Variants in OR2A5 observed in about 807,000 individuals in gnomAD.
OR2A5 encodes the protein olfactory receptor family 2 subfamily A member 5.
Under a neutral mutation model 1.9 loss-of-function variants are expected in OR2A5, and 2 were observed. That is an observed-to-expected ratio of 1.04 (90% CI 0.43 to 3.28). OR2A5 has a LOEUF of 3.28. Among genes scored for constraint, OR2A5 ranks in the 30% most tolerant of loss-of-function variants. OR2A5 has a pLI of 0.08. For missense variants in OR2A5, 391 were observed against 375.9 expected (o/e 1.04, Z -0.33); for synonymous variants, 160 against 154.5 (o/e 1.04, Z -0.26).
rs1563026611 is a variant in OR2A5 at position 144,050,704 on chromosome 7, C to T, written c.303C>T (p.Thr101=). 6.2e-7 allele frequency: 1 copy of T among 1,614,122 alleles called. No individual in the cohort carries two copies. The highest frequency in any genetic ancestry group is 1.1e-5 in the South Asian group (1 of 91,086). Residue 101 remains threonine (T), a synonymous_variant, in exon 2 of 2, where the codon ACC becomes ACT. Coordinates refer to ENST00000641693, the MANE Select transcript of OR2A5 (RefSeq NM_012365.2). The part of the protein sequence containing the change: ...TISFVPCTMQ[T]FLYMAFAHTE... ...CCTTTGTCCCATGCACAATGCAGAC[C>T]TTTTTATACATGGCTTTTGCTCACA...
chr7:144,051,520 GA>G lies in OR2A5; in HGVS notation c.*184del. On this transcript the variant is annotated 3_prime_UTR_variant, in exon 2 of 2. Transcript: ENST00000641693. ...CACAAAGCACATGCAGACAGGCGCT[GA>G]GCCGTGTGGTGCAGCAGAGGTGCAA... 3 of 605,914 alleles carry G rather than the reference GA, an allele frequency of 5.0e-6. No homozygotes were observed. The South Asian group carries it at 6.4e-5, about 13-fold the overall frequency. The allele number at this position is 605,914 out of a possible 1,614,324, so 37.5% of individuals were successfully genotyped here. A position where few individuals can be genotyped will look rare whatever the true frequency, so the allele number is the denominator to read the frequency against.
Position 144,050,863 on chromosome 7 carries a change from T to A in OR2A5, c.462T>A (p.Leu154=). The part of the protein sequence containing the change: ...LAVTSWACGS[L]LALVHVVLIL... ...TCACTTCTTGGGCATGTGGTTCCCT[T>A]CTGGCCCTGGTCCATGTGGTTCTCA... Residue 154 remains leucine, a synonymous_variant, in exon 2 of 2, where the codon CTT becomes CTA. Coordinates refer to ENST00000641693, the MANE Select transcript of OR2A5 (RefSeq NM_012365.2). 1.9e-6 allele frequency: 3 copies of A among 1,614,174 alleles called. No individual in the cohort carries two copies. Among genetic ancestry groups the A allele is most frequent in the Non-Finnish European group, 2.5e-6 (3 of 1,180,016 alleles).
Position 144,050,421 on chromosome 7 carries a change from G to C in OR2A5, c.20G>C (p.Trp7Ser), listed in dbSNP as rs1366413130. ...AAGGGCATGACAAAAAATCAGACAT[G>C]GGTCACAGAATTCATTCTCCTGGGA... MTKNQT[W>S]VTEFILLGFP... Residue 7 changes from tryptophan (W) to serine (S), a missense_variant, in exon 2 of 2, where the codon TGG (tryptophan) becomes TCG (serine). By Grantham distance (177) the Trp-to-Ser change is radical. Transcript: ENST00000641693. 1 of 1,539,846 alleles carries C rather than the reference G, an allele frequency of 6.5e-7. No homozygotes were observed. Among genetic ancestry groups the C allele is most frequent in the Admixed American group, 2.1e-5 (1 of 46,746 alleles).
chr7:144,051,008 T>G lies in OR2A5; in HGVS notation c.607T>G (p.Ser203Ala). ...CAACCAGGTGGTCATCTTTGCTGCT[T>G]CAGTGTTCATCCTGGTGGGGCCGCT... ...WLNQVVIFAASVFILVGPLCL... is the reference protein window; with the variant it reads ...WLNQVVIFAAAVFILVGPLCL... Residue 203 changes from serine to alanine, a missense_variant, in exon 2 of 2, where the codon TCA becomes GCA. Transcript: ENST00000641693. 9 of 1,614,200 alleles carry G rather than the reference T, an allele frequency of 5.6e-6. No individual in the cohort carries two copies. The highest frequency in any genetic ancestry group is 7.6e-6 in the Non-Finnish European group (9 of 1,180,010).
rs1230066651 is a variant in OR2A5, at chr7:144,054,681, A to G, written c.*3344A>G. Reference sequence around the variant, plus strand: ...TGTTCATTGTTCCTGCTAGTAGACAAAACTGTAAGAAGAATCCTACATAAA... The same window carrying G: ...TGTTCATTGTTCCTGCTAGTAGACAGAACTGTAAGAAGAATCCTACATAAA... On this transcript the variant is annotated 3_prime_UTR_variant, in exon 2 of 2. Transcript: ENST00000641693. 6.6e-6 allele frequency: 1 copy of G among 152,218 alleles called. No individual in the cohort carries two copies. The highest frequency in any genetic ancestry group is 6.5e-5 in the Admixed American group (1 of 15,280). The allele number at this position is 152,218 out of a possible 1,614,324, so 9.4% of individuals were successfully genotyped here.
rs1488134255 is a variant in OR2A5, at chr7:144,057,047, C to T, written c.*5710C>T. On this transcript the variant is annotated 3_prime_UTR_variant, in exon 2 of 2. Coordinates refer to ENST00000641693, the MANE Select transcript of OR2A5 (RefSeq NM_012365.2). Reference sequence around the variant, plus strand: ...GCCAGGATGGTCTCGATCTGCTGACCTCGTGATCCACCCACCTCGGCCTCC... The same window carrying T: ...GCCAGGATGGTCTCGATCTGCTGACTTCGTGATCCACCCACCTCGGCCTCC... The T allele has an allele frequency of 6.6e-6, 1 of 152,014 alleles. No individual in the cohort carries two copies. Among genetic ancestry groups the T allele is most frequent in the Non-Finnish European group, 1.5e-5 (1 of 68,020 alleles). 9.4% of individuals were successfully genotyped at this position (152,014 alleles called of 1,614,324 possible). A position where few individuals can be genotyped will look rare whatever the true frequency, so the allele number is the denominator to read the frequency against.
At position 144,050,908 on chromosome 7, in the gene OR2A5, T is replaced by C. The variant is rs767662922; in HGVS notation, c.507T>C (p.Cys169=). The change falls in exon 2 of 2, where the codon TGT becomes TGC. Residue 169 remains cysteine (C), a synonymous_variant. Transcript: ENST00000641693. ...HVVLILRLPF[C]GPHEINHFFC... ...TTCTCATCCTGAGGCTGCCCTTCTGTGGGCCCCATGAAATCAACCACTTCT... is the reference window on the plus strand; with the variant it reads ...TTCTCATCCTGAGGCTGCCCTTCTGCGGGCCCCATGAAATCAACCACTTCT... 4 of 1,614,230 alleles carry C rather than the reference T, an allele frequency of 2.5e-6. No homozygotes were observed. The South Asian group carries it at 4.4e-5, about 18-fold the overall frequency.
chr7:144,054,379 T>C lies in OR2A5; in HGVS notation c.*3042T>C, dbSNP rs569773668. 2.0e-5 allele frequency: 3 copies of C among 152,160 alleles called. No individual in the cohort carries two copies. Among genetic ancestry groups the C allele is most frequent in the Admixed American group, 2.0e-4 (3 of 15,278 alleles). 9.4% of individuals were successfully genotyped at this position (152,160 alleles called of 1,614,324 possible). A position where few individuals can be genotyped will look rare whatever the true frequency, so the allele number is the denominator to read the frequency against. On this transcript the variant is annotated 3_prime_UTR_variant, in exon 2 of 2. Coordinates refer to ENST00000641693, the MANE Select transcript of OR2A5 (RefSeq NM_012365.2). ...GTGATGTATTTTTGTGAGAAGGATA[T>C]AAGGACAATGAAAATGAAAAATGAT...
rs998059281 is a variant in OR2A5, at chr7:144,051,556, A to G, written c.*219A>G. On this transcript the variant is annotated 3_prime_UTR_variant, in exon 2 of 2. Coordinates refer to ENST00000641693, the MANE Select transcript of OR2A5 (RefSeq NM_012365.2). Reference sequence around the variant, plus strand: ...TGCAGCAGAGGTGCAAAGTGCCATGAACTCCTACTCCCAGGTCCCACCCCT... The same window carrying G: ...TGCAGCAGAGGTGCAAAGTGCCATGGACTCCTACTCCCAGGTCCCACCCCT... 9.9e-6 allele frequency: 5 copies of G among 507,092 alleles called. No individual in the cohort carries two copies. The highest frequency in any genetic ancestry group is 9.6e-5 in the African/African-American group (5 of 52,284). The allele number at this position is 507,092 out of a possible 1,614,324, so 31.4% of individuals were successfully genotyped here. A position where few individuals can be genotyped will look rare whatever the true frequency, so the allele number is the denominator to read the frequency against.
Position 144,051,325 on chromosome 7 carries a change from G to T in OR2A5, c.924G>T (p.Gln308His). The change falls in exon 2 of 2, where the codon CAG becomes CAT. Residue 308 changes from glutamine (Q) to histidine (H), a missense_variant. Physicochemically the swap from Gln to His is conservative, Grantham distance 24. Transcript: ENST00000641693. The part of the protein sequence containing the change: ...KGALKRVLWK[Q>H]RSK Reference sequence around the variant, plus strand: ...CCCTGAAAAGAGTGTTGTGGAAACAGAGATCAAAGTGAGGGATGCCAGGGA... The same window carrying T: ...CCCTGAAAAGAGTGTTGTGGAAACATAGATCAAAGTGAGGGATGCCAGGGA... 2 of 1,604,190 alleles carry T rather than the reference G, an allele frequency of 1.2e-6. No individual in the cohort carries two copies. The highest frequency in any genetic ancestry group is 1.7e-6 in the Non-Finnish European group (2 of 1,174,922).
rs73156545 is a variant in OR2A5 at position 144,050,107 on chromosome 7, T to G, written c.-51-244T>G. Among the ~76,000 whole-genome samples the G allele has an allele frequency of 4.1e-3, 629 of 152,192 alleles. 2 individuals are homozygous for G. The highest frequency in any genetic ancestry group is 0.014 in the African/African-American group (598 of 41,512). ...ACTTACTCTGTGGCTGCCCTTCTGATAGCAAAAATGTGGGTCTTGCAATCC... is the reference window on the plus strand; with the variant it reads ...ACTTACTCTGTGGCTGCCCTTCTGAGAGCAAAAATGTGGGTCTTGCAATCC... On this transcript the variant is annotated intron_variant, in intron 1 of 1. Transcript: ENST00000641693.
Position 144,050,905 on chromosome 7 carries a change from C to T in OR2A5, c.504C>T (p.Phe168=). 6.2e-7 allele frequency: 1 copy of T among 1,614,232 alleles called. No individual in the cohort carries two copies. The change falls in exon 2 of 2, where the codon TTC becomes TTT. Residue 168 remains phenylalanine (F), a synonymous_variant. Coordinates refer to ENST00000641693, the MANE Select transcript of OR2A5 (RefSeq NM_012365.2). ...TGGTTCTCATCCTGAGGCTGCCCTTCTGTGGGCCCCATGAAATCAACCACT... is the reference window on the plus strand; with the variant it reads ...TGGTTCTCATCCTGAGGCTGCCCTTTTGTGGGCCCCATGAAATCAACCACT... The part of the protein sequence containing the change: ...VHVVLILRLP[F]CGPHEINHFF...
At position 144,055,209 on chromosome 7, in the gene OR2A5, A is replaced by T. The variant is rs2128797771; in HGVS notation, c.*3872A>T. 6.6e-6 allele frequency: 1 copy of T among 152,324 alleles called. No homozygotes were observed. The highest frequency in any genetic ancestry group is 1.5e-5 in the Non-Finnish European group (1 of 68,024). The allele number at this position is 152,324 out of a possible 1,614,324, so 9.4% of individuals were successfully genotyped here. A position where few individuals can be genotyped will look rare whatever the true frequency, so the allele number is the denominator to read the frequency against. Reference sequence around the variant, plus strand: ...CACAAAGTGGGGAAAAATACCCTAGAATCAAAAAGTAGGTTTACATAAAAG... The same window carrying T: ...CACAAAGTGGGGAAAAATACCCTAGTATCAAAAAGTAGGTTTACATAAAAG... On this transcript the variant is annotated 3_prime_UTR_variant, in exon 2 of 2. Transcript: ENST00000641693.
Position 144,054,661 on chromosome 7 carries a change from A to G in OR2A5, c.*3324A>G, listed in dbSNP as rs537232184. ...GGAGGTTGGGTATGAAATGGTGTTC[A>G]TTGTTCCTGCTAGTAGACAAAACTG... On this transcript the variant is annotated 3_prime_UTR_variant, in exon 2 of 2. Transcript: ENST00000641693. The G allele has an allele frequency of 4.6e-5, 7 of 152,330 alleles. No homozygotes were observed. The highest frequency in any genetic ancestry group is 7.3e-5 in the Non-Finnish European group (5 of 68,030). 9.4% of individuals were successfully genotyped at this position (152,330 alleles called of 1,614,324 possible). A position where few individuals can be genotyped will look rare whatever the true frequency, so the allele number is the denominator to read the frequency against.
rs1188666174 is a variant in OR2A5, at chr7:144,053,985, G to C, written c.*2648G>C. On this transcript the variant is annotated 3_prime_UTR_variant, in exon 2 of 2. Coordinates refer to ENST00000641693, the MANE Select transcript of OR2A5 (RefSeq NM_012365.2). ...AGTGATCATCTTACCTATGATTCTG[G>C]TCTTCTTTCTATCATTAGGTGTACC... The C allele has an allele frequency of 7.2e-5, 11 of 152,180 alleles. No homozygotes were observed. Among genetic ancestry groups the C allele is most frequent in the Non-Finnish European group, 4.4e-5 (3 of 68,054 alleles). The allele number at this position is 152,180 out of a possible 1,614,324, so 9.4% of individuals were successfully genotyped here.
chr7:144,057,547 C>G lies in OR2A5; in HGVS notation c.*6210C>G, dbSNP rs1280230359. 6.6e-6 allele frequency: 1 copy of G among 152,086 alleles called. No individual in the cohort carries two copies. Among genetic ancestry groups the G allele is most frequent in the East Asian group, 1.9e-4 (1 of 5,194 alleles). The allele number at this position is 152,086 out of a possible 1,614,324, so 9.4% of individuals were successfully genotyped here. A position where few individuals can be genotyped will look rare whatever the true frequency, so the allele number is the denominator to read the frequency against. On this transcript the variant is annotated 3_prime_UTR_variant, in exon 2 of 2. Transcript: ENST00000641693. ...AAGAATAACAAATAATAGTGGACTTCCCCTCAGCAAAACAGATGCCAAAAG... is the reference window on the plus strand; with the variant it reads ...AAGAATAACAAATAATAGTGGACTTGCCCTCAGCAAAACAGATGCCAAAAG...
In OR2A5 at chr7:144,051,266, A is replaced by T. The variant is rs768082216; in HGVS notation, c.865A>T (p.Ile289Phe). The change falls in exon 2 of 2, where the codon ATC becomes TTC. Residue 289 changes from isoleucine (I) to phenylalanine (F), a missense_variant. Coordinates refer to ENST00000641693, the MANE Select transcript of OR2A5 (RefSeq NM_012365.2). ...TTTCAACCCGATGCTGAACCCCTTG[A>T]TCTATAGCCTGAGGAACGCAGAGGT... ...SLFNPMLNPL[I>F]YSLRNAEVKG... 6.2e-7 allele frequency: 1 copy of T among 1,613,850 alleles called. No homozygotes were observed. The highest frequency in any genetic ancestry group is 8.5e-7 in the Non-Finnish European group (1 of 1,179,828).
rs2050909525 is a variant in OR2A5, at chr7:144,051,838, G to A, written c.*501G>A. 6.5e-6 allele frequency: 1 copy of A among 154,176 alleles called. No homozygotes were observed. Among genetic ancestry groups the A allele is most frequent in the Middle Eastern group, 3.4e-3 (1 of 294 alleles). 9.6% of individuals were successfully genotyped at this position (154,176 alleles called of 1,614,324 possible). On this transcript the variant is annotated 3_prime_UTR_variant, in exon 2 of 2. Coordinates refer to ENST00000641693, the MANE Select transcript of OR2A5 (RefSeq NM_012365.2). ...CTAAAGCCTAAGGATGATGATATTA[G>A]TACTGGAAGTTCATCTAAATCACCC...
At position 144,053,609 on chromosome 7, in the gene OR2A5, T is replaced by C. The variant is rs2050919841; in HGVS notation, c.*2272T>C. The C allele has an allele frequency of 6.6e-6, 1 of 152,222 alleles. No individual in the cohort carries two copies. Among genetic ancestry groups the C allele is most frequent in the Admixed American group, 6.5e-5 (1 of 15,284 alleles). The allele number at this position is 152,222 out of a possible 1,614,324, so 9.4% of individuals were successfully genotyped here. A position where few individuals can be genotyped will look rare whatever the true frequency, so the allele number is the denominator to read the frequency against. ...CAGTAATAGAACTGAGTGTTATGGA[T>C]CGTACTGATTGCAAACCCAAGCTGC... is the stretch of plus-strand genomic sequence containing the variant. On this transcript the variant is annotated 3_prime_UTR_variant, in exon 2 of 2. Transcript: ENST00000641693.
Sources: gnomAD v4.1 joint callset for allele counts (sites outside exome capture counted in the v4.1 genomes callset) on GRCh38, gnomAD v4.1.1 for gene constraint, MANE v1.5 for transcripts, NCBI Gene and HGNC (gene_info 2026-07-23, HGNC 2026-07-21) for gene names.